Variants in NEBL observed in about 807,000 individuals in gnomAD.
NEBL encodes LIM and SH3 protein 2.
A neutral mutation model predicts 140.2 loss-of-function variants in NEBL; 122 were observed. That is an observed-to-expected ratio of 0.87 (90% CI 0.75 to 1.01). The LOEUF is 1.01. Ranked by LOEUF, NEBL falls within the 50% of genes least tolerant of loss-of-function variation. The pLI, the probability that NEBL is intolerant of heterozygous loss-of-function variation, is 0.00. For missense variants in NEBL, 1,365 were observed against 1,231.3 expected, an observed-to-expected ratio of 1.11 and a Z score of -1.62; for synonymous variants, 436 against 398.9, an observed-to-expected ratio of 1.09 and a Z score of -1.11.
chr10:21,280,528 G>T (rs554253963), intron 1 of NEBL, among the ~76,000 whole-genome samples: 1 of 152,050 alleles, frequency 6.6e-6, no homozygotes, highest in Admixed American at 6.6e-5. Context: ...GGCCTAGGAG[G>T]TGTGGATGGT....
At chr10:21,244,125 C>G (rs1322033195) in intron 3 of NEBL, among the ~76,000 whole-genome samples, 1 of 151,868 alleles carries the variant, frequency 6.6e-6, no homozygotes, top group Non-Finnish European at 1.5e-5. Flanking sequence ...TCAATCTTTC[C>G]CCAGGCCAAA....
At chr10:21,221,573 C>T (rs1005222685) in intron 3 of NEBL, among the ~76,000 whole-genome samples, 5 of 151,940 alleles carry the variant, frequency 3.3e-5, no homozygotes, top group Admixed American at 2.0e-4. Context: ...GGCCCGATCT[C>T]GGCTCACTGC....
intron 21 of NEBL, among the ~76,000 whole-genome samples, chr10:20,816,180 A>G (rs1838704964): frequency 1.3e-5 from 2 of 152,152 alleles, no homozygotes; most frequent in African/African-American, 4.8e-5. Context: ...AATCTATTTC[A>G]TTTCATCCCA....
At chr10:20,884,542 C>T (rs1386623973) in intron 4 of NEBL, among the ~76,000 whole-genome samples, 2 of 152,162 alleles carry the variant, frequency 1.3e-5, no homozygotes, top group Non-Finnish European at 2.9e-5. Flanking sequence ...TTATCTGGCA[C>T]CTTAATTCTA....
intron 2 of NEBL, among the ~76,000 whole-genome samples, chr10:21,248,356 G>GA (rs57287106): frequency 0.014 from 1,939 of 138,650 alleles, 20 homozygotes; most frequent in Middle Eastern, 0.035. Flanking sequence ...AAACTCACTA[G>GA]AAAAAAAAAA....
At chr10:20,831,778 A>G (rs1176158124) in intron 14 of NEBL, among the ~76,000 whole-genome samples, 195 bp from the exon 15 acceptor site, 1 of 152,150 alleles carries the variant, frequency 6.6e-6, no homozygotes, top group Non-Finnish European at 1.5e-5. Flanking sequence ...ACCAGTAATC[A>G]GAACAATTTT....
intron 20 of NEBL, chr10:20,818,675 G>T: frequency 2.2e-6 from 1 of 453,030 alleles, no homozygotes; most frequent in Non-Finnish European, 2.9e-6. Context: ...TGAACTATGA[G>T]GTCCTTGAGG....
At chr10:21,003,033 C>A (rs1229080507) in intron 3 of NEBL, among the ~76,000 whole-genome samples, 2 of 138,980 alleles carry the variant, frequency 1.4e-5, no homozygotes, top group Non-Finnish European at 3.1e-5. Context: ...TCAAATTTAG[C>A]CCTAATATCC....
intron 2 of NEBL, among the ~76,000 whole-genome samples, chr10:21,086,354 AAGGTGATGCTATTTCCAGATGGCTAT>A (rs1390917242): frequency 6.6e-6 from 1 of 152,228 alleles, no homozygotes; most frequent in Admixed American, 6.5e-5. Flanking sequence ...TAACTCAAAC[AAGGTGATGCTATTTCCAGATGGCTAT>A]AGCTGCTCCC....
chr10:20,836,028 G>C (rs1283120337), intron 13 of NEBL, among the ~76,000 whole-genome samples: 1 of 152,118 alleles, frequency 6.6e-6, no homozygotes, highest in Non-Finnish European at 1.5e-5. Flanking sequence ...GCAAAATGAA[G>C]GTAGTAATGC....
chr10:20,850,254 G>A, intron 11 of NEBL, 141 bp downstream of exon 11: 2 of 686,628 alleles, frequency 2.9e-6, no homozygotes, highest in Non-Finnish European at 5.2e-6. Context: ...CAGGCAGTGG[G>A]TGGCTGGGTC....
intron 3 of NEBL, among the ~76,000 whole-genome samples, chr10:20,979,446 C>T (rs1469678002): frequency 6.6e-6 from 1 of 152,066 alleles, no homozygotes; most frequent in Admixed American, 6.5e-5. Context: ...GGTCATTAGC[C>T]TTGTCTATAC....
In NEBL at chr10:21,226,440, T is replaced by C. The variant is rs971906663; in HGVS notation, n.348+21481A>G. Reference sequence around the variant, plus strand: ...CATTGGCTCTGAGCCCAGCACAGCATCAGGAATTGCCCAAAAATTGCAGTC... The same window carrying C: ...CATTGGCTCTGAGCCCAGCACAGCACCAGGAATTGCCCAAAAATTGCAGTC... On this transcript the variant is annotated intron_variant and non_coding_transcript_variant, in intron 3 of 8. Transcript: ENST00000675702. 2.6e-5 allele frequency among the ~76,000 whole-genome samples: 4 copies of C among 152,158 alleles called. No individual in the cohort carries two copies. In the South Asian group the frequency reaches 8.3e-4, roughly 32 times the overall value.
intron 4 of NEBL, among the ~76,000 whole-genome samples, chr10:20,939,855 TA>T (rs1726462592): frequency 6.6e-6 from 1 of 152,046 alleles, no homozygotes; most frequent in African/African-American, 2.4e-5. Context: ...TACATAATGG[TA>T]AAGGGATCAA....
chr10:21,275,203 C>T (rs1262802962), intron 1 of NEBL, among the ~76,000 whole-genome samples: 4 of 152,228 alleles, frequency 2.6e-5, no homozygotes, highest in African/African-American at 9.6e-5. Context: ...TCAACTAAAT[C>T]ATGCCCAGGT....
intron 3 of NEBL, among the ~76,000 whole-genome samples, chr10:21,244,676 A>T (rs540989661): frequency 2.0e-4 from 31 of 151,778 alleles, no homozygotes; most frequent in African/African-American, 7.0e-4. Flanking sequence ...TAAACTAAAA[A>T]TTTTTTTAAA....
At chr10:21,129,916 T>C (rs1271087660) in intron 2 of NEBL, among the ~76,000 whole-genome samples, 1 of 152,092 alleles carries the variant, frequency 6.6e-6, no homozygotes, top group Non-Finnish European at 1.5e-5. Context: ...ACTTTGAACA[T>C]CAGTGATCTA....
intron 2 of NEBL, among the ~76,000 whole-genome samples, chr10:21,114,892 A>C (rs114965148): frequency 0.014 from 2,200 of 151,744 alleles, 47 homozygotes; most frequent in African/African-American, 0.05. Flanking sequence ...GACCATTTAC[A>C]TTTAATGTGG....
intron 2 of NEBL, among the ~76,000 whole-genome samples, chr10:21,043,296 T>C (rs532388290): frequency 3.3e-5 from 5 of 152,306 alleles, no homozygotes; most frequent in African/African-American, 1.2e-4. Flanking sequence ...CCAGTTGTCA[T>C]CCTACAAAAA....
Sources: allele counts gnomAD v4.1 joint callset (sites outside exome capture counted in the v4.1 genomes callset), GRCh38; gene constraint gnomAD v4.1.1; transcripts MANE v1.5; gene names NCBI Gene and HGNC (gene_info 2026-07-23, HGNC 2026-07-21).